PDE9A: variants seen among roughly 807,000 people sequenced by gnomAD.
PDE9A encodes the protein high affinity cGMP-specific 3',5'-cyclic phosphodiesterase 9A.
PDE9A carries 60 observed loss-of-function variants against 87.4 expected under a neutral mutation model. That is an observed-to-expected ratio of 0.69 (90% CI 0.56 to 0.85). The LOEUF (loss-of-function observed/expected upper bound fraction) is 0.85, where lower values mean the gene tolerates loss of function less well. PDE9A is among the 40% of genes least tolerant of loss of function. The pLI is 0.00. For synonymous variants in PDE9A, 272 were observed against 279.4 expected (o/e 0.97, Z 0.27); for missense variants, 665 against 779.0 (o/e 0.85, Z 1.74).
At chr21:42,669,652 C>T (rs891535304) in intron 1 of PDE9A, among the ~76,000 whole-genome samples, 12 of 152,198 alleles carry the variant, frequency 7.9e-5, no homozygotes, top group Middle Eastern at 3.2e-3. Flanking sequence ...TGGAACCCAG[C>T]AATGGCACAT....
At chr21:42,655,657 A>G (rs1266177845) in intron 1 of PDE9A, among the ~76,000 whole-genome samples, 3 of 152,194 alleles carry the variant, frequency 2.0e-5, no homozygotes, top group Non-Finnish European at 4.4e-5. Context: ...AAGGGATAAT[A>G]AAATCTGCTT....
chr21:42,726,612 A>ATTTTTTTTT (rs1569207248), intron 4 of PDE9A, among the ~76,000 whole-genome samples: 1 of 24,880 alleles, frequency 4.0e-5, no homozygotes, highest in African/African-American at 3.7e-4. Context: ...ATATATATAT[A>ATTTTTTTTT]TATATATATA....
chr21:42,697,793 C>A (rs1306280450), intron 3 of PDE9A, among the ~76,000 whole-genome samples: 3 of 152,228 alleles, frequency 2.0e-5, no homozygotes, highest in Non-Finnish European at 4.4e-5. Context: ...ACCCAATCAC[C>A]TCCCAAGGCC....
In PDE9A at chr21:42,775,372, T is replaced by C; in HGVS notation, c.*79T>C. 2 of 1,253,348 alleles carry C rather than the reference T, an allele frequency of 1.6e-6. No individual in the cohort carries two copies. Among genetic ancestry groups the C allele is most frequent in the African/African-American group, 1.5e-5 (1 of 64,972 alleles). 77.6% of individuals were successfully genotyped at this position (1,253,348 alleles called of 1,614,324 possible). A position where few individuals can be genotyped will look rare whatever the true frequency, so the allele number is the denominator to read the frequency against. On this transcript the variant is annotated 3_prime_UTR_variant, in exon 20 of 20. Transcript: ENST00000291539. ...ATCCTTGTGCAGGGAAGAGCTGCCCTGGGCACCTGGCACCACAAGACCATG... is the reference window on the plus strand; with the variant it reads ...ATCCTTGTGCAGGGAAGAGCTGCCCCGGGCACCTGGCACCACAAGACCATG...
chr21:42,693,564 A>T (rs901672655), intron 3 of PDE9A, among the ~76,000 whole-genome samples: 25 of 147,448 alleles, frequency 1.7e-4, no homozygotes, highest in Non-Finnish European at 3.6e-4. Flanking sequence ...TGCTGCGATT[A>T]CAGGCGTGAG....
At chr21:42,685,465 G>GTTTTTTTTTTTTT (rs1555908731) in intron 1 of PDE9A, among the ~76,000 whole-genome samples, 32 of 87,752 alleles carry the variant, frequency 3.6e-4, no homozygotes, top group East Asian at 1.0e-3. Context: ...CCGAAAGGCA[G>GTTTTTTTTTTTTT]TCTTTTTTTT....
intron 1 of PDE9A, among the ~76,000 whole-genome samples, chr21:42,677,485 C>A (rs1329735456): frequency 6.6e-6 from 1 of 152,176 alleles, no homozygotes. Flanking sequence ...CTGCAGCCAG[C>A]CTTGCAGAGA....
rs765504120 is a variant in PDE9A, at chr21:42,734,626, G to A, written c.568+1200G>A. ...CTTGCTCTGTTGTCCAGGCTGGAGT[G>A]CAATAGCACAATCTTGGCTCAATGC... On this transcript the variant is annotated intron_variant, in intron 7 of 19. Transcript: ENST00000291539. 9 of 152,346 alleles carry A rather than the reference G, an allele frequency of 5.9e-5. No individual in the cohort carries two copies. In the East Asian group the frequency reaches 1.4e-3, roughly 23 times the overall value. 9.4% of individuals were successfully genotyped at this position (152,346 alleles called of 1,614,324 possible).
chr21:42,687,368 AT>A (rs1422420506), intron 2 of PDE9A, among the ~76,000 whole-genome samples: 1 of 152,216 alleles, frequency 6.6e-6, no homozygotes, highest in Non-Finnish European at 1.5e-5. Context: ...CAGCCCTGGG[AT>A]TTGAGTATCA....
intron 1 of PDE9A, among the ~76,000 whole-genome samples, chr21:42,677,756 C>T (rs548182705): frequency 7.2e-5 from 11 of 152,304 alleles, no homozygotes; most frequent in African/African-American, 2.4e-4. Context: ...GATTCTCCTG[C>T]CTCGGCCTCC....
chr21:42,696,349 G>T lies in PDE9A; in HGVS notation c.219-2619G>T, dbSNP rs549442977. On this transcript the variant is annotated intron_variant, in intron 3 of 19. Coordinates refer to ENST00000291539, the MANE Select transcript of PDE9A (RefSeq NM_002606.3). This position sits in a 1 kb window ranked among gnomAD's most constrained non-coding sequence, Gnocchi z 5.1. ...CCCACCTCCTGGAGCCCTTCTCTGC[G>T]CCTGGTCACTACCCGCCCCCCACCT... Among the ~76,000 whole-genome samples, 3 of 152,262 alleles carry T rather than the reference G, an allele frequency of 2.0e-5. No individual in the cohort carries two copies. Among genetic ancestry groups the T allele is most frequent in the Non-Finnish European group, 4.4e-5 (3 of 68,018 alleles).
chr21:42,774,420 T>C (rs990506165), intron 19 of PDE9A, among the ~76,000 whole-genome samples: 4 of 152,202 alleles, frequency 2.6e-5, no homozygotes, highest in Non-Finnish European at 5.9e-5. Flanking sequence ...GTTTTAGTGA[T>C]TAAACAGTCA....
At chr21:42,730,267 G>A (rs1289156919) in intron 4 of PDE9A, among the ~76,000 whole-genome samples, 1 of 152,150 alleles carries the variant, frequency 6.6e-6, no homozygotes, top group African/African-American at 2.4e-5. Flanking sequence ...TTTTCTGGCT[G>A]ACATTTTTAC....
rs58515760 is a variant in PDE9A at position 42,727,489 on chromosome 21, A to ATTTTTT, written c.263-4262_263-4257dup. On this transcript the variant is annotated intron_variant, in intron 4 of 19. Coordinates refer to ENST00000291539, the MANE Select transcript of PDE9A (RefSeq NM_002606.3). ...CAGGCACATGCCACCACGCCTGGCTATTTTTTTTTTTTTTTTTTTTTTTTG... is the reference window on the plus strand; with the variant it reads ...CAGGCACATGCCACCACGCCTGGCTATTTTTTTTTTTTTTTTTTTTTTTTTTTTTTG... 9.8e-3 allele frequency among the ~76,000 whole-genome samples: 862 copies of ATTTTTT among 88,286 alleles called. 51 individuals are homozygous for ATTTTTT. Among genetic ancestry groups the ATTTTTT allele is most frequent in the Non-Finnish European group, 0.012 (570 of 48,846 alleles). The allele number at this position is 88,286 out of a possible 152,430, so 57.9% of individuals were successfully genotyped here.
At chr21:42,662,965 G>A (rs28734804) in intron 1 of PDE9A, among the ~76,000 whole-genome samples, 8,210 of 104,972 alleles carry the variant, frequency 0.078, 296 homozygotes, top group Middle Eastern at 0.19. Flanking sequence ...ACATGCACAC[G>A]CCACGCGCCT....
intron 8 of PDE9A, among the ~76,000 whole-genome samples, chr21:42,748,940 C>T (rs185553505): frequency 2.0e-5 from 3 of 152,312 alleles, no homozygotes; most frequent in East Asian, 3.9e-4. Flanking sequence ...GTCAAGTTTC[C>T]TCACTTGGCA....
At chr21:42,727,952 T>C (rs1468002862) in intron 4 of PDE9A, among the ~76,000 whole-genome samples, 1 of 152,218 alleles carries the variant, frequency 6.6e-6, no homozygotes, top group Non-Finnish European at 1.5e-5. Context: ...AGCAGACAGC[T>C]TTGCCTTGTG....
chr21:42,674,377 G>T (rs1430766967), intron 1 of PDE9A, among the ~76,000 whole-genome samples: 2 of 149,628 alleles, frequency 1.3e-5, no homozygotes, highest in Admixed American at 1.3e-4. Context: ...GTACAGTGGC[G>T]TGAGAAATTC....
chr21:42,668,342 C>T (rs954692923), intron 1 of PDE9A, among the ~76,000 whole-genome samples: 1 of 152,130 alleles, frequency 6.6e-6, no homozygotes, highest in Non-Finnish European at 1.5e-5. Flanking sequence ...CAGACAGAGG[C>T]CCTGGGAGAA....
Sources: allele counts gnomAD v4.1 joint callset (sites outside exome capture counted in the v4.1 genomes callset), GRCh38; gene constraint gnomAD v4.1.1; non-coding constraint Gnocchi (gnomAD v3.1); transcripts MANE v1.5; gene names NCBI Gene and HGNC (gene_info 2026-07-23, HGNC 2026-07-21).